Variants in PHACTR3 observed in about 807,000 individuals in gnomAD.
The protein encoded by PHACTR3 is phosphatase and actin regulator 3.
In PHACTR3, 16 loss-of-function variants were observed where a neutral mutation model predicts 66.8. The ratio of observed to expected loss-of-function variants is 0.24; its 90% CI spans 0.16 to 0.36. The LOEUF (loss-of-function observed/expected upper bound fraction) is 0.36. PHACTR3 is among the 10% of genes least tolerant of loss of function. The pLI, the probability that PHACTR3 is intolerant of heterozygous loss-of-function variation, is 1.00. For missense variants in PHACTR3, 647 were observed against 719.9 expected (o/e 0.90, Z 1.16); for synonymous variants, 323 against 292.1 (o/e 1.11, Z -1.08).
At chr20:59,682,373 AAG>A (rs1360646140) in intron 1 of PHACTR3, among the ~76,000 whole-genome samples, 1 of 152,108 alleles carries the variant, frequency 6.6e-6, no homozygotes, top group African/African-American at 2.4e-5. Context: ...AAAAAAGGGA[AAG>A]AAATCTGGCC....
intron 1 of PHACTR3, among the ~76,000 whole-genome samples, chr20:59,727,121 A>G (rs1312052955): frequency 2.6e-5 from 4 of 152,036 alleles, no homozygotes; most frequent in East Asian, 1.9e-4. Context: ...CTACGCATCT[A>G]CTTTCTGTCT....
chr20:59,743,401 T>C, intron 2 of PHACTR3, 133 bp downstream of exon 2: 1 of 1,211,484 alleles, frequency 8.3e-7, no homozygotes, highest in Non-Finnish European at 1.1e-6. Flanking sequence ...TGGCCTGTGA[T>C]GGCCAGGAGC....
At chr20:59,742,161 G>A (rs778814047) in intron 1 of PHACTR3, among the ~76,000 whole-genome samples, 9 of 152,242 alleles carry the variant, frequency 5.9e-5, no homozygotes, top group Non-Finnish European at 8.8e-5. Flanking sequence ...TGGCGTGTGC[G>A]TGTGAATTTG....
At chr20:59,839,185 A>G (rs996780526) in intron 9 of PHACTR3, among the ~76,000 whole-genome samples, 1 of 152,118 alleles carries the variant, frequency 6.6e-6, no homozygotes, top group Admixed American at 6.6e-5. Context: ...CACTTTCACA[A>G]TGTCTCTCTA....
rs553697532 is a variant in PHACTR3 at position 59,766,448 on chromosome 20, G to A, written c.542-738G>A. 8.5e-5 allele frequency among the ~76,000 whole-genome samples: 13 copies of A among 152,294 alleles called. No individual in the cohort carries two copies. The Middle Eastern group carries it at 0.01, about 120-fold the overall frequency. Reference sequence around the variant, plus strand: ...GATTGTTGTTGAAATAATGGATGATGGAACCCAAGCCAGGCAAAAAGAGAA... The same window carrying A: ...GATTGTTGTTGAAATAATGGATGATAGAACCCAAGCCAGGCAAAAAGAGAA... On this transcript the variant is annotated intron_variant, in intron 4 of 12. Transcript: ENST00000371015.
At chr20:59,623,407 T>C (rs917165229) in intron 1 of PHACTR3, among the ~76,000 whole-genome samples, 1 of 152,218 alleles carries the variant, frequency 6.6e-6, no homozygotes, top group Non-Finnish European at 1.5e-5. Flanking sequence ...TCCTGTTACA[T>C]GTATGTATTC....
intron 1 of PHACTR3, among the ~76,000 whole-genome samples, chr20:59,633,332 T>G (rs923861032): frequency 6.6e-6 from 1 of 152,160 alleles, no homozygotes; most frequent in Non-Finnish European, 1.5e-5. Context: ...TAAAAAGGAA[T>G]GAGATCATGT....
chr20:59,626,044 G>T (rs973317225), intron 1 of PHACTR3, among the ~76,000 whole-genome samples: 1 of 152,110 alleles, frequency 6.6e-6, no homozygotes, highest in Non-Finnish European at 1.5e-5. Context: ...CTTTAGAGGG[G>T]GTCTGACCCA....
chr20:59,756,616 C>T (rs1298098330), intron 4 of PHACTR3, among the ~76,000 whole-genome samples: 1 of 151,902 alleles, frequency 6.6e-6, no homozygotes, highest in Non-Finnish European at 1.5e-5. Context: ...CGCAGAGGCC[C>T]CCTCCACACA....
intron 1 of PHACTR3, among the ~76,000 whole-genome samples, chr20:59,640,714 A>G (rs2035071729): frequency 1.3e-5 from 2 of 152,218 alleles, no homozygotes; most frequent in Admixed American, 1.3e-4. Context: ...TAGAGAGATC[A>G]TAGGGTTGTA....
At chr20:59,644,202 C>A (rs1247518647) in intron 1 of PHACTR3, among the ~76,000 whole-genome samples, 2 of 152,162 alleles carry the variant, frequency 1.3e-5, no homozygotes, top group Admixed American at 6.5e-5. Context: ...GGTTGCAGCA[C>A]CCTGATGGGC....
At chr20:59,583,281 G>A (rs535214618) in intron 1 of PHACTR3, among the ~76,000 whole-genome samples, 1 of 152,274 alleles carries the variant, frequency 6.6e-6, no homozygotes, top group East Asian at 1.9e-4. Flanking sequence ...TAGCCCTGAG[G>A]GAGCAGAGGG....
chr20:59,758,039 G>A (rs1252979657), intron 4 of PHACTR3, among the ~76,000 whole-genome samples: 1 of 152,164 alleles, frequency 6.6e-6, no homozygotes, highest in African/African-American at 2.4e-5. Flanking sequence ...ATCCCTGAGG[G>A]CAGCTGGAAC....
At chr20:59,815,272 A>T (rs1286642615) in intron 8 of PHACTR3, among the ~76,000 whole-genome samples, 2 of 152,122 alleles carry the variant, frequency 1.3e-5, no homozygotes, top group Admixed American at 1.3e-4. Flanking sequence ...TTCCAAAGGG[A>T]TCACCAGAAA....
At position 59,738,392 on chromosome 20, in the gene PHACTR3, T is replaced by C. The variant is rs2039030463; in HGVS notation, c.119-4715T>C. Among the ~76,000 whole-genome samples, 1 of 139,464 alleles carries C rather than the reference T, an allele frequency of 7.2e-6. No homozygotes were observed. Among genetic ancestry groups the C allele is most frequent in the Admixed American group, 6.9e-5 (1 of 14,476 alleles). 91.5% of individuals were successfully genotyped at this position (139,464 alleles called of 152,430 possible). ...AGTTTAGTGATTAACTTGGATTTTG[T>C]CCTAAATGAGAAGGGAAGCGAGCAG... is the stretch of plus-strand genomic sequence containing the variant. On this transcript the variant is annotated intron_variant, in intron 1 of 12. Transcript: ENST00000371015. This position sits in a 1 kb window ranked among gnomAD's most constrained non-coding sequence, Gnocchi z 4.4.
Position 59,773,427 on chromosome 20 carries a change from G to C in PHACTR3, c.900G>C (p.Ala300=). 6.2e-7 allele frequency: 1 copy of C among 1,612,940 alleles called. No individual in the cohort carries two copies. Among genetic ancestry groups the C allele is most frequent in the Non-Finnish European group, 8.5e-7 (1 of 1,179,612 alleles). Residue 300 remains alanine (A), a synonymous_variant, in exon 6 of 13, where the codon GCG becomes GCC. Coordinates refer to ENST00000371015, the MANE Select transcript of PHACTR3 (RefSeq NM_080672.5). ...GCGTCATTGAGGAGCTGCACAGGGCGCTGGCCACGAAGCACCGCCAGGACA... is the reference window on the plus strand; with the variant it reads ...GCGTCATTGAGGAGCTGCACAGGGCCCTGGCCACGAAGCACCGCCAGGACA... ...PSRVIEELHR[A]LATKHRQDSF...
At chr20:59,705,737 A>C (rs2037677377) in intron 1 of PHACTR3, among the ~76,000 whole-genome samples, 2 of 152,148 alleles carry the variant, frequency 1.3e-5, no homozygotes, top group Admixed American at 6.5e-5. Flanking sequence ...CTGTCTGTGG[A>C]GAAGGCTTGT....
At chr20:59,767,088 C>A in intron 4 of PHACTR3, 98 bp from the exon 5 acceptor site, 1 of 1,238,508 alleles carries the variant, frequency 8.1e-7, no homozygotes, top group South Asian at 1.4e-5. Context: ...GTATGCTCTT[C>A]ACGATCCCAT....
rs568477351 is a variant in PHACTR3 at position 59,683,293 on chromosome 20, C to T, written c.119-59814C>T. ...GAATTTGGAGCATCTATTTGACATCCGTGCAAAGATGACAAATTGGCAATT... is the reference window on the plus strand; with the variant it reads ...GAATTTGGAGCATCTATTTGACATCTGTGCAAAGATGACAAATTGGCAATT... On this transcript the variant is annotated intron_variant, in intron 1 of 12. Transcript: ENST00000371015. Among the ~76,000 whole-genome samples, 17 of 152,266 alleles carry T rather than the reference C, an allele frequency of 1.1e-4. No homozygotes were observed. In the East Asian group the frequency reaches 1.9e-3, roughly 17 times the overall value.
Sources: allele counts gnomAD v4.1 joint callset (sites outside exome capture counted in the v4.1 genomes callset), GRCh38; gene constraint gnomAD v4.1.1; non-coding constraint Gnocchi (gnomAD v3.1); transcripts MANE v1.5; gene names NCBI Gene and HGNC (gene_info 2026-07-23, HGNC 2026-07-21).